BLNK: variants seen among roughly 807,000 people sequenced by gnomAD.
BLNK encodes B cell linker, also known as B-cell linker protein.
In BLNK, 29 loss-of-function variants were observed where a neutral mutation model predicts 73.5. The ratio of observed to expected loss-of-function variants is 0.39; its 90% confidence interval spans 0.29 to 0.54. The LOEUF is 0.54. BLNK is among the 20% of genes least tolerant of loss of function. The probability of loss-of-function intolerance (pLI) is 0.61; values close to 1 mark genes in which losing one functional copy is unlikely to be tolerated. For synonymous variants in BLNK, 176 were observed against 200.8 expected, an observed-to-expected ratio of 0.88 and a Z score of 1.04; for missense variants, 460 against 562.8, an observed-to-expected ratio of 0.82 and a Z score of 1.85.
chr10:96,196,856 C>T, intron 16 of BLNK, 52 bp downstream of exon 16: 1 of 1,555,702 alleles, frequency 6.4e-7, no homozygotes, highest in Non-Finnish European at 8.9e-7. Context: ...TATTTGATGT[C>T]ATTATACTCA....
intron 3 of BLNK, among the ~76,000 whole-genome samples, chr10:96,234,667 A>C (rs1322620720): frequency 1.3e-5 from 2 of 152,242 alleles, no homozygotes; most frequent in African/African-American, 4.8e-5. Flanking sequence ...AAAGCCTGGC[A>C]CACAGTAATG....
Position 96,189,227 on chromosome 10 carries a change from G to A in BLNK, c.*2746C>T, listed in dbSNP as rs764285271. On this transcript the variant is annotated 3_prime_UTR_variant, in exon 17 of 17. Coordinates refer to ENST00000224337, the MANE Select transcript of BLNK (RefSeq NM_013314.4). ...TTTTGGACAACACATTCTTGGCAATGGAACCTGGACAACATTTATTAAACA... is the reference window on the plus strand; with the variant it reads ...TTTTGGACAACACATTCTTGGCAATAGAACCTGGACAACATTTATTAAACA... 9.6e-4 allele frequency: 353 copies of A among 368,390 alleles called. No homozygotes were observed. The highest frequency in any genetic ancestry group is 1.5e-3 in the Non-Finnish European group (286 of 196,386). The allele number at this position is 368,390 out of a possible 1,614,324, so 22.8% of individuals were successfully genotyped here.
Position 96,190,243 on chromosome 10 carries a change from G to T in BLNK, c.*1730C>A. 1.4e-6 allele frequency: 1 copy of T among 740,704 alleles called. No individual in the cohort carries two copies. 45.9% of individuals were successfully genotyped at this position (740,704 alleles called of 1,614,324 possible). On this transcript the variant is annotated 3_prime_UTR_variant, in exon 17 of 17. Transcript: ENST00000224337. ...ATCAGGTGGCGGCACACACTTAGGTGGGAGAGAAAGCAGACGGAGATAAAC... is the reference window on the plus strand; with the variant it reads ...ATCAGGTGGCGGCACACACTTAGGTTGGAGAGAAAGCAGACGGAGATAAAC...
rs2083293526 is a variant in BLNK, at chr10:96,189,277, A to G, written c.*2696T>C. Reference sequence around the variant, plus strand: ...ACAGTAGGGAAAGTTCTCACTCTGCATTATAGAAAGGACAGCCAGATATTG... The same window carrying G: ...ACAGTAGGGAAAGTTCTCACTCTGCGTTATAGAAAGGACAGCCAGATATTG... On this transcript the variant is annotated 3_prime_UTR_variant, in exon 17 of 17. Transcript: ENST00000224337. 4.7e-6 allele frequency: 2 copies of G among 427,414 alleles called. No homozygotes were observed. Among genetic ancestry groups the G allele is most frequent in the Non-Finnish European group, 4.4e-6 (1 of 227,568 alleles). The allele number at this position is 427,414 out of a possible 1,614,324, so 26.5% of individuals were successfully genotyped here. A position where few individuals can be genotyped will look rare whatever the true frequency, so the allele number is the denominator to read the frequency against.
chr10:96,236,361 A>G (rs1842689539), intron 3 of BLNK, among the ~76,000 whole-genome samples: 3 of 152,174 alleles, frequency 2.0e-5, no homozygotes. Context: ...GGGGACAGAC[A>G]CCGAAAAGGA....
chr10:96,213,495 C>T (rs981207177), intron 8 of BLNK, among the ~76,000 whole-genome samples: 5 of 152,156 alleles, frequency 3.3e-5, no homozygotes, highest in Admixed American at 6.5e-5. Context: ...AGGCCTCAAG[C>T]TGGGCCTTGA....
At chr10:96,197,411 C>T (rs1554894964) in intron 15 of BLNK, among the ~76,000 whole-genome samples, 1 of 152,132 alleles carries the variant, frequency 6.6e-6, no homozygotes, top group Non-Finnish European at 1.5e-5. Context: ...TTCAAGCGAT[C>T]CTCCCACCTC....
chr10:96,230,904 C>T (rs1564834673), intron 3 of BLNK, 70 bp from the exon 4 acceptor site: 2 of 1,514,408 alleles, frequency 1.3e-6, no homozygotes, highest in East Asian at 4.6e-5. Flanking sequence ...CCCATCCACA[C>T]ACATTTCGCA....
chr10:96,242,442 T>A (rs1385706601), intron 3 of BLNK, among the ~76,000 whole-genome samples: 1 of 152,226 alleles, frequency 6.6e-6, no homozygotes, highest in Admixed American at 6.5e-5. Flanking sequence ...ATTCCTCAAA[T>A]GTATAGTCTA....
At chr10:96,229,258 C>T (rs1346554837) in intron 4 of BLNK, among the ~76,000 whole-genome samples, 2 of 151,004 alleles carry the variant, frequency 1.3e-5, no homozygotes, top group South Asian at 2.1e-4. Context: ...CCTTCCCAGC[C>T]TCTGGTAAAC....
chr10:96,262,553 T>C (rs111870509), intron 1 of BLNK, among the ~76,000 whole-genome samples: 32 of 152,364 alleles, frequency 2.1e-4, no homozygotes, highest in African/African-American at 7.7e-4. Context: ...CCTGATTCTT[T>C]CTTTTCAGTA....
At chr10:96,246,327 C>T (rs766135636) in intron 2 of BLNK, among the ~76,000 whole-genome samples, 44 of 152,116 alleles carry the variant, frequency 2.9e-4, no homozygotes, top group Non-Finnish European at 5.0e-4. Flanking sequence ...CTGAGGCGGG[C>T]GGATCACCTG....
chr10:96,253,773 TG>T (rs1159565516), intron 1 of BLNK, among the ~76,000 whole-genome samples: 15 of 151,718 alleles, frequency 9.9e-5, no homozygotes, highest in African/African-American at 3.6e-4. Flanking sequence ...CCCAGCACTT[TG>T]GGAGGCCAAG....
At chr10:96,267,069 T>A (rs1844036579) in intron 1 of BLNK, among the ~76,000 whole-genome samples, 1 of 152,226 alleles carries the variant, frequency 6.6e-6, no homozygotes, top group Admixed American at 6.5e-5. Flanking sequence ...CCCAATGGCA[T>A]GGTCCTTCTA....
chr10:96,267,419 G>A (rs1164675546), intron 1 of BLNK, among the ~76,000 whole-genome samples: 9 of 152,122 alleles, frequency 5.9e-5, no homozygotes, highest in Admixed American at 3.9e-4. Flanking sequence ...GGATACCATC[G>A]ACCAAAACAG....
chr10:96,257,741 T>C (rs1343915844), intron 1 of BLNK, among the ~76,000 whole-genome samples: 3 of 152,242 alleles, frequency 2.0e-5, no homozygotes, highest in South Asian at 2.1e-4. Flanking sequence ...TCCACAAATA[T>C]TCAGTGTGTG....
intron 1 of BLNK, among the ~76,000 whole-genome samples, chr10:96,248,033 G>A (rs1591355550): frequency 6.6e-6 from 1 of 152,140 alleles, no homozygotes; most frequent in African/African-American, 2.4e-5. Context: ...TGTTCAAAAG[G>A]CCAAGAACCT....
chr10:96,233,920 G>A (rs148864770), intron 3 of BLNK, among the ~76,000 whole-genome samples: 272 of 152,360 alleles, frequency 1.8e-3, no homozygotes, highest in Non-Finnish European at 3.5e-3. Flanking sequence ...AGCAACAATA[G>A]ATTCCATTTA....
chr10:96,197,071 AT>A lies in BLNK; in HGVS notation c.1096-9del, dbSNP rs781823661. 8 of 1,606,394 alleles carry A rather than the reference AT, an allele frequency of 5.0e-6. No individual in the cohort carries two copies. Among genetic ancestry groups the A allele is most frequent in the Admixed American group, 3.4e-5 (2 of 59,228 alleles). ...AATAAGAAATGATCCATCCTGTTTA[AT>A]TTTTTTTAAAAAACATAATTATGGT... On this transcript the variant is annotated splice_polypyrimidine_tract_variant and intron_variant, in intron 15 of 16. Transcript: ENST00000224337.
Sources: gnomAD v4.1 joint callset for allele counts (sites outside exome capture counted in the v4.1 genomes callset) on GRCh38, gnomAD v4.1.1 for gene constraint, MANE v1.5 for transcripts, NCBI Gene and HGNC (gene_info 2026-07-23, HGNC 2026-07-21) for gene names.